Variants in GPD2 observed in about 807,000 individuals in gnomAD.
The protein encoded by GPD2 is glycerol-3-phosphate dehydrogenase 2, also known as glycerol-3-phosphate dehydrogenase, mitochondrial.
GPD2 carries 54 observed loss-of-function variants against 82.4 expected under a neutral mutation model. The observed-to-expected ratio is 0.66, with a 90% CI of 0.53 to 0.82. The LOEUF is 0.82. Ranked by LOEUF, GPD2 falls within the 40% of genes least tolerant of loss-of-function variation. The probability of loss-of-function intolerance (pLI) is 0.00; values close to 1 mark genes in which losing one functional copy is unlikely to be tolerated. For synonymous variants in GPD2, 288 were observed against 306.1 expected (o/e 0.94, Z 0.62); for missense variants, 748 against 896.2 (o/e 0.83, Z 2.11).
intron 1 of GPD2, among the ~76,000 whole-genome samples, chr2:156,457,506 G>A (rs1017204133): frequency 1.3e-5 from 2 of 152,196 alleles, no homozygotes; most frequent in African/African-American, 4.8e-5. Flanking sequence ...GTTTATTTTT[G>A]ATAGAACACT....
At chr2:156,568,724 A>ATG in intron 9 of GPD2, 101 bp from the exon 10 acceptor site, 1 of 978,706 alleles carries the variant, frequency 1.0e-6, no homozygotes, top group Admixed American at 1.8e-5. Context: ...AAGTGCACAC[A>ATG]TGTGTATTCC....
intron 1 of GPD2, among the ~76,000 whole-genome samples, chr2:156,453,525 T>C (rs1174602632): frequency 6.6e-6 from 1 of 152,048 alleles, no homozygotes; most frequent in Non-Finnish European, 1.5e-5. Flanking sequence ...GTTATGATAA[T>C]GAGGTAGGGT....
chr2:156,439,849 A>AAAATACAT (rs1682103505), intron 1 of GPD2, among the ~76,000 whole-genome samples: 1 of 147,544 alleles, frequency 6.8e-6, no homozygotes, highest in Non-Finnish European at 1.5e-5. Context: ...TCTGTCTCAA[A>AAAATACAT]AAATAAATAA....
intron 3 of GPD2, among the ~76,000 whole-genome samples, chr2:156,500,311 A>G (rs1194016939): frequency 1.3e-5 from 2 of 152,192 alleles, no homozygotes; most frequent in Non-Finnish European, 2.9e-5. Context: ...AAATTTATAA[A>G]GAGATGGCTG....
intron 3 of GPD2, 44 bp downstream of exon 3, chr2:156,496,259 CATGTGCAGG>C (rs1684374130): frequency 7.3e-7 from 1 of 1,369,960 alleles, no homozygotes. Flanking sequence ...TTCTGGGGTA[CATGTGCAGG>C]ATGTGCAGGT....
At chr2:156,547,276 C>T (rs1224752871) in intron 6 of GPD2, among the ~76,000 whole-genome samples, 1 of 152,142 alleles carries the variant, frequency 6.6e-6, no homozygotes, top group East Asian at 1.9e-4. Flanking sequence ...TAATTTTGCC[C>T]TGGAAGGATG....
At chr2:156,411,001 A>G in the GPD2 span, among the ~76,000 whole-genome samples, 2 of 152,342 alleles carry the variant, frequency 1.3e-5, no homozygotes, top group Non-Finnish European at 2.9e-5. Flanking sequence ...TTCTAAGACA[A>G]ATTCTATGTT....
At chr2:156,495,564 T>A (rs1684338675) in intron 2 of GPD2, 2 of 457,100 alleles carry the variant, frequency 4.4e-6, no homozygotes, top group African/African-American at 2.0e-5. Context: ...AACTCTAGAA[T>A]ATAGTTTTGT....
intron 1 of GPD2, among the ~76,000 whole-genome samples, chr2:156,462,992 T>TA (rs1002328394): frequency 7.2e-5 from 11 of 152,110 alleles, no homozygotes; most frequent in Non-Finnish European, 1.3e-4. Context: ...AGCTCAAAGA[T>TA]AAACAGGGAA....
the GPD2 span, among the ~76,000 whole-genome samples, chr2:156,400,749 C>G: frequency 6.6e-6 from 1 of 152,158 alleles, no homozygotes; most frequent in Non-Finnish European, 1.5e-5. Context: ...GTATGGACAC[C>G]AGAAATATGC....
chr2:156,566,166 C>A (rs907699531), intron 9 of GPD2, among the ~76,000 whole-genome samples: 4 of 152,064 alleles, frequency 2.6e-5, no homozygotes, highest in Non-Finnish European at 5.9e-5. Context: ...TAATTTGAGA[C>A]TTGAATTATA....
At chr2:156,529,566 T>C (rs1327937837) in intron 6 of GPD2, among the ~76,000 whole-genome samples, 3 of 152,104 alleles carry the variant, frequency 2.0e-5, no homozygotes, top group South Asian at 2.1e-4. Flanking sequence ...GTTTTTATGG[T>C]TTTAATTCTA....
intron 6 of GPD2, among the ~76,000 whole-genome samples, chr2:156,547,371 C>T (rs1686583927): frequency 6.6e-6 from 1 of 152,178 alleles, no homozygotes; most frequent in South Asian, 2.1e-4. Flanking sequence ...AGAGAGGTTT[C>T]TCAGAACTTC....
rs191707559 is a variant in GPD2, at chr2:156,475,787, A to G, written c.-8-311A>G. Reference sequence around the variant, plus strand: ...ATGCAGTTTTGTTAAATACCCAATGACATTTCTTTTCACAGTTCTTTTGAC... The same window carrying G: ...ATGCAGTTTTGTTAAATACCCAATGGCATTTCTTTTCACAGTTCTTTTGAC... On this transcript the variant is annotated intron_variant, in intron 1 of 16. Transcript: ENST00000438166. Among the ~76,000 whole-genome samples, 62 of 152,358 alleles carry G rather than the reference A, an allele frequency of 4.1e-4. 1 individual carries two copies. Among genetic ancestry groups the G allele is most frequent in the African/African-American group, 1.4e-3 (59 of 41,588 alleles).
intron 9 of GPD2, among the ~76,000 whole-genome samples, chr2:156,561,197 G>A (rs557106292): frequency 6.6e-6 from 1 of 151,596 alleles, no homozygotes; most frequent in African/African-American, 2.4e-5. Context: ...ACAGGCACAC[G>A]CCACCACACC....
At chr2:156,451,493 A>AC (rs1161707088) in intron 1 of GPD2, among the ~76,000 whole-genome samples, 2 of 32,972 alleles carry the variant, frequency 6.1e-5, no homozygotes, top group Admixed American at 4.2e-4. Context: ...TCCCTCCCGG[A>AC]AGGGGCGGCT....
At chr2:156,478,799 A>T (rs1573909967) in intron 2 of GPD2, among the ~76,000 whole-genome samples, 1 of 152,252 alleles carries the variant, frequency 6.6e-6, no homozygotes, top group Non-Finnish European at 1.5e-5. Context: ...TTGGCTTGTT[A>T]CAGGTATATT....
chr2:156,543,667 T>C (rs1385143921), intron 6 of GPD2, among the ~76,000 whole-genome samples: 1 of 152,212 alleles, frequency 6.6e-6, no homozygotes. Context: ...AAGTTGAGTT[T>C]ACCAGTTTGG....
the GPD2 span, among the ~76,000 whole-genome samples, chr2:156,407,944 ATTTTTTTTTTTT>A: frequency 3.5e-5 from 2 of 56,434 alleles, no homozygotes; most frequent in Non-Finnish European, 6.1e-5. Flanking sequence ...CCATGCTGTA[ATTTTTTTTTTTT>A]TTTTTTTTTT....
Sources: gnomAD v4.1 joint callset for allele counts (sites outside exome capture counted in the v4.1 genomes callset) on GRCh38, gnomAD v4.1.1 for gene constraint, MANE v1.5 for transcripts, NCBI Gene and HGNC (gene_info 2026-07-23, HGNC 2026-07-21) for gene names.